The following LCP1 variants were observed in gnomAD, a reference collection of about 807,000 sequenced individuals.
The protein encoded by LCP1 is lymphocyte cytosolic protein 1, also known as plastin-2.
In LCP1, 23 loss-of-function variants were observed where a neutral mutation model predicts 72.0. The observed-to-expected ratio is 0.32, with a 90% CI of 0.23 to 0.45. The LOEUF (loss-of-function observed/expected upper bound fraction) is 0.45. LCP1 is among the 20% of genes least tolerant of loss of function. LCP1 has a pLI of 1.00. For missense variants in LCP1, 571 were observed against 748.3 expected (o/e 0.76, Z 2.76); for synonymous variants, 245 against 275.4 (o/e 0.89, Z 1.09).
intron 1 of LCP1, among the ~76,000 whole-genome samples, chr13:46,165,508 G>A (rs1452759871): frequency 1.3e-5 from 2 of 152,054 alleles, no homozygotes; most frequent in Non-Finnish European, 2.9e-5. Flanking sequence ...GCAAATTACT[G>A]GCACCATATA....
chr13:46,133,432 C>G (rs2045645121), intron 14 of LCP1, among the ~76,000 whole-genome samples: 1 of 152,048 alleles, frequency 6.6e-6, no homozygotes, highest in African/African-American at 2.4e-5. Context: ...TTAAGACCAG[C>G]CTGGGCCACA....
chr13:46,149,130 TAGTC>T (rs2045747959), intron 8 of LCP1, among the ~76,000 whole-genome samples: 1 of 152,224 alleles, frequency 6.6e-6, no homozygotes, highest in South Asian at 2.1e-4. Context: ...AATTTATTCT[TAGTC>T]AATGAAAGCA....
At position 46,148,371 on chromosome 13, in the gene LCP1, A is replaced by G; in HGVS notation, c.959T>C (p.Ile320Thr). 1.2e-6 allele frequency: 2 copies of G among 1,613,498 alleles called. No individual in the cohort carries two copies. Among genetic ancestry groups the G allele is most frequent in the Non-Finnish European group, 1.7e-6 (2 of 1,179,746 alleles). Residue 320 changes from isoleucine to threonine, a missense_variant, in exon 9 of 16, where the codon ATT becomes ACT. By Grantham distance (89) the Ile-to-Thr change is moderately conservative (BLOSUM62 -1). Transcript: ENST00000323076. ...GDEEGVPAVVIDMSGLREKDD... is the reference protein window; with the variant it reads ...GDEEGVPAVVTDMSGLREKDD... ...CCTTACCCGCAGTCCTGACATGTCA[A>G]TAACAACAGCAGGAACACCTTCTTC...
chr13:46,170,972 A>C (rs2045901947), intron 1 of LCP1, among the ~76,000 whole-genome samples: 2 of 152,230 alleles, frequency 1.3e-5, no homozygotes, highest in Admixed American at 6.5e-5. Context: ...AGATTGCTTA[A>C]AGATCAGTCT....
chr13:46,180,220 C>T (rs776658384), intron 1 of LCP1, among the ~76,000 whole-genome samples: 1 of 152,120 alleles, frequency 6.6e-6, no homozygotes, highest in Non-Finnish European at 1.5e-5. Flanking sequence ...ATTATCTAGC[C>T]CATTCCTTAT....
At chr13:46,155,593 T>C (rs1299672614) in intron 5 of LCP1, among the ~76,000 whole-genome samples, 1 of 152,228 alleles carries the variant, frequency 6.6e-6, no homozygotes, top group Non-Finnish European at 1.5e-5. Context: ...TTCCCACCCA[T>C]TGTTATCCTT....
At chr13:46,136,065 A>G (rs1399401282) in intron 13 of LCP1, among the ~76,000 whole-genome samples, 2 of 138,652 alleles carry the variant, frequency 1.4e-5, no homozygotes, top group Non-Finnish European at 3.1e-5. Context: ...TTCCTTGCCC[A>G]TCGTGTGCTA....
intron 13 of LCP1, among the ~76,000 whole-genome samples, chr13:46,138,764 A>G (rs2045680291): frequency 6.6e-6 from 1 of 152,102 alleles, no homozygotes; most frequent in Non-Finnish European, 1.5e-5. Flanking sequence ...CTTCTGCCTC[A>G]GCCTCCTGAG....
intron 1 of LCP1, among the ~76,000 whole-genome samples, chr13:46,161,876 C>T (rs1236285160): frequency 6.6e-6 from 1 of 152,220 alleles, no homozygotes; most frequent in Non-Finnish European, 1.5e-5. Context: ...ATACAATTCA[C>T]TATCTATGAG....
At position 46,148,432 on chromosome 13, in the gene LCP1, A is replaced by G. The variant is rs2045743790; in HGVS notation, c.898T>C (p.Tyr300His). 6.2e-7 allele frequency: 1 copy of G among 1,610,134 alleles called. No homozygotes were observed. The highest frequency in any genetic ancestry group is 8.5e-7 in the Non-Finnish European group (1 of 1,178,316). ...GGAGCCACCTGCTCAAGCAGGTGGT[A>G]ATAAGCTTTTGAGTCCTGTGAGAAA... The part of the protein sequence containing the change: ...STDIKDSKAY[Y>H]HLLEQVAPKG... The change falls in exon 9 of 16, where the codon TAC becomes CAC. Residue 300 changes from tyrosine (Y) to histidine (H), a missense_variant. Transcript: ENST00000323076.
At position 46,152,815 on chromosome 13, in the gene LCP1, C is replaced by A; in HGVS notation, c.704G>T (p.Gly235Val). 1 of 1,614,004 alleles carries A rather than the reference C, an allele frequency of 6.2e-7. No homozygotes were observed. ...GCTGAGTTCAATGTCAGCAAACAAC[C>A]CAATCTTGATGACTTGCCACAGAAG... ...LGLLWQVIKI[G>V]LFADIELSRN... Residue 235 changes from glycine (G) to valine (V), a missense_variant, in exon 7 of 16, where the codon GGG (glycine) becomes GTG (valine). Transcript: ENST00000323076.
intron 14 of LCP1, 145 bp from the exon 15 acceptor site, chr13:46,131,083 T>C (rs1242364741): frequency 7.6e-6 from 6 of 786,286 alleles, no homozygotes; most frequent in Non-Finnish European, 1.1e-5. Context: ...ACATAGTGTT[T>C]CAAATAAACT....
At chr13:46,179,097 A>G (rs2045945103) in intron 1 of LCP1, among the ~76,000 whole-genome samples, 1 of 152,220 alleles carries the variant, frequency 6.6e-6, no homozygotes, top group South Asian at 2.1e-4. Flanking sequence ...AGGGTAGCTA[A>G]GTTTTGGCCC....
At chr13:46,128,369 C>T (rs548319405) in intron 15 of LCP1, among the ~76,000 whole-genome samples, 30 of 152,272 alleles carry the variant, frequency 2.0e-4, no homozygotes, top group East Asian at 1.9e-3. Context: ...GTGGCCGAGG[C>T]GGGTGGATCA....
In LCP1 at chr13:46,159,613, G is replaced by C; in HGVS notation, c.50C>G (p.Ala17Gly). 6.2e-7 allele frequency: 1 copy of C among 1,614,108 alleles called. No homozygotes were observed. The highest frequency in any genetic ancestry group is 8.5e-7 in the Non-Finnish European group (1 of 1,179,960). Residue 17 changes from alanine (A) to glycine (G), a missense_variant, in exon 2 of 16, where the codon GCT (alanine) becomes GGT (glycine). Transcript: ENST00000323076. ...SDEEMMELRE[A>G]FAKVDTDGNG... ...GGTCTACTCACCAACTTTGGCAAAA[G>C]CTTCTCTGAGCTCCATCATTTCCTC... is the stretch of plus-strand genomic sequence containing the variant.
Position 46,134,151 on chromosome 13 carries a change from T to A in LCP1, c.1602A>T (p.Lys534Asn), listed in dbSNP as rs2045649935. The A allele has an allele frequency of 2.5e-6, 4 of 1,613,598 alleles. No homozygotes were observed. The highest frequency in any genetic ancestry group is 3.4e-6 in the Non-Finnish European group (4 of 1,179,780). ...CCTTGAAACTAGAGATGGATGAACT[T>A]TTCTTTGCTTCCCTCAATGTTTCAT... The part of the protein sequence containing the change: ...WVNETLREAK[K>N]SSSISSFKDP... Residue 534 changes from lysine (K) to asparagine (N), a missense_variant, in exon 14 of 16, where the codon AAA becomes AAT. Physicochemically the swap from Lys to Asn is moderately conservative, Grantham distance 94. Transcript: ENST00000323076.
At chr13:46,167,013 A>T (rs1167704650) in intron 1 of LCP1, among the ~76,000 whole-genome samples, 8 of 152,210 alleles carry the variant, frequency 5.3e-5, no homozygotes, top group Non-Finnish European at 8.8e-5. Flanking sequence ...AGGGACTCTG[A>T]TGAATCTTTT....
intron 8 of LCP1, 146 bp from the exon 9 acceptor site, chr13:46,148,593 A>C: frequency 1.6e-6 from 1 of 630,968 alleles, no homozygotes; most frequent in South Asian, 2.0e-5. Context: ...AACATTCACT[A>C]ATTTGAATGT....
chr13:46,147,149 G>C, intron 9 of LCP1, 46 bp from the exon 10 acceptor site: 1 of 1,455,588 alleles, frequency 6.9e-7, no homozygotes, highest in Non-Finnish European at 9.2e-7. Context: ...GGCTCTCCAT[G>C]CACAAAGCAG....
Sources: gnomAD v4.1 joint callset for allele counts (sites outside exome capture counted in the v4.1 genomes callset) on GRCh38, gnomAD v4.1.1 for gene constraint, MANE v1.5 for transcripts, NCBI Gene and HGNC (gene_info 2026-07-23, HGNC 2026-07-21) for gene names.